The following FGFR1 variants were observed in gnomAD, a reference collection of about 807,000 sequenced individuals.
The protein encoded by FGFR1 is fibroblast growth factor receptor 1, also known as FGFR1/PLAG1 fusion.
Under a neutral mutation model 93.7 loss-of-function variants are expected in FGFR1, and 18 were observed. That is an observed-to-expected ratio of 0.19 (90% CI 0.13 to 0.28). The LOEUF is 0.28. Among genes scored for constraint, FGFR1 ranks in the 10% least tolerant of loss-of-function variants. The probability of loss-of-function intolerance (pLI) is 1.00; values close to 1 mark genes in which losing one functional copy is unlikely to be tolerated. For synonymous variants in FGFR1, 448 were observed against 429.3 expected, an observed-to-expected ratio of 1.04 and a Z score of -0.54; for missense variants, 731 against 1,080.4, an observed-to-expected ratio of 0.68 and a Z score of 4.53.
chr8:38,446,209 T>TC (rs909280558), intron 2 of FGFR1, among the ~76,000 whole-genome samples: 1 of 148,384 alleles, frequency 6.7e-6, no homozygotes, highest in African/African-American at 2.5e-5. Context: ...TCCCACCTTT[T>TC]TTTTTTTTTT....
intron 1 of FGFR1, 117 bp from the exon 2 acceptor site, chr8:38,457,651 C>T (rs1435494330): frequency 2.3e-5 from 23 of 992,438 alleles, no homozygotes; most frequent in Non-Finnish European, 2.9e-5. Context: ...CTTACTAAGG[C>T]GTCCAGAAGA....
Position 38,418,391 on chromosome 8 carries a change from G to A in FGFR1, c.1285-18C>T, listed in dbSNP as rs1243811914. On this transcript the variant is annotated intron_variant, in intron 9 of 17. Transcript: ENST00000447712. ...GCAGACACCTGCAAGGAAGAGTGGG[G>A]TCACCCTAGAGCAAGGAGGGGGGAC... is the stretch of plus-strand genomic sequence containing the variant. 4.3e-6 allele frequency: 7 copies of A among 1,611,876 alleles called. No homozygotes were observed. The highest frequency in any genetic ancestry group is 5.9e-6 in the Non-Finnish European group (7 of 1,178,962).
chr8:38,456,844 T>C (rs1411852628), intron 2 of FGFR1, among the ~76,000 whole-genome samples: 1 of 152,162 alleles, frequency 6.6e-6, no homozygotes, highest in Non-Finnish European at 1.5e-5. Flanking sequence ...GTGCTGAGGT[T>C]ACATGTGTGA....
intron 9 of FGFR1, among the ~76,000 whole-genome samples, chr8:38,418,926 A>G (rs1471525533): frequency 6.6e-6 from 1 of 152,164 alleles, no homozygotes; most frequent in Non-Finnish European, 1.5e-5. Flanking sequence ...GTAGGAGGTC[A>G]TTGACTCATG....
At chr8:38,414,118 T>TGGC in intron 16 of FGFR1, 34 bp downstream of exon 16, 1 of 1,614,172 alleles carries the variant, frequency 6.2e-7, no homozygotes, top group Non-Finnish European at 8.5e-7. Flanking sequence ...CCCCAAGGCC[T>TGGC]GGCTCAGGGC....
chr8:38,420,109 C>A (rs2150723992), intron 8 of FGFR1: 1 of 288,192 alleles, frequency 3.5e-6, no homozygotes, highest in East Asian at 7.4e-5. Context: ...CCTCAGGGAG[C>A]CATGGCCCTT....
At position 38,413,698 on chromosome 8, in the gene FGFR1, G is replaced by A. The variant is rs377620009; in HGVS notation, c.2399C>T (p.Pro800Leu). Reference sequence around the variant, plus strand: ...GGGCAGGCAGGGCTCCTCGGGCAGCGGCTCATGAGAGAAGACGGAATCCTC... The same window carrying A: ...GGGCAGGCAGGGCTCCTCGGGCAGCAGCTCATGAGAGAAGACGGAATCCTC... The part of the protein sequence containing the change: ...SGEDSVFSHE[P>L]LPEEPCLPRH... Residue 800 changes from proline (P) to leucine (L), a missense_variant, in exon 18 of 18, where the codon CCG becomes CTG. Pro to Leu is a moderately conservative substitution (Grantham distance 98). Transcript: ENST00000447712. This position sits in a 1 kb window ranked among gnomAD's most constrained non-coding sequence, Gnocchi z 4.2. The A allele has an allele frequency of 7.4e-5, 119 of 1,613,686 alleles. No individual in the cohort carries two copies. The highest frequency in any genetic ancestry group is 9.4e-5 in the Non-Finnish European group (111 of 1,179,894).
chr8:38,430,368 T>C (rs1822527846), intron 2 of FGFR1: 2 of 190,542 alleles, frequency 1.0e-5, no homozygotes, highest in Non-Finnish European at 2.2e-5. Context: ...CCATTTCCTT[T>C]GGGATAGCTC....
At chr8:38,414,456 T>C in intron 15 of FGFR1, 103 bp downstream of exon 15, 1 of 1,548,416 alleles carries the variant, frequency 6.5e-7, no homozygotes, top group Admixed American at 1.8e-5. Context: ...TTTTTCTCTC[T>C]GGGGCAGAAA....
chr8:38,423,322 T>C, intron 7 of FGFR1: 1 of 605,042 alleles, frequency 1.7e-6, no homozygotes, highest in Non-Finnish European at 2.9e-6. Flanking sequence ...GTTTTTTTTT[T>C]TTTTTTTTTT....
chr8:38,462,509 A>C (rs925625319), intron 1 of FGFR1, among the ~76,000 whole-genome samples: 6 of 151,856 alleles, frequency 4.0e-5, no homozygotes, highest in Admixed American at 3.3e-4. Context: ...TCTCAAAAAA[A>C]AAAATTTTTT....
intron 2 of FGFR1, among the ~76,000 whole-genome samples, chr8:38,444,743 G>A (rs1828770957): frequency 6.6e-6 from 1 of 152,078 alleles, no homozygotes; most frequent in Non-Finnish European, 1.5e-5. Flanking sequence ...TAGCCAGGAA[G>A]CTAAAGCCTA....
At chr8:38,461,115 G>A (rs1002635629) in intron 1 of FGFR1, 78 of 1,535,938 alleles carry the variant, frequency 5.1e-5, no homozygotes, top group Non-Finnish European at 6.1e-5. Context: ...ATCACAGGTG[G>A]TTATGAAGAC....
At chr8:38,454,272 A>T (rs1169103950) in intron 2 of FGFR1, among the ~76,000 whole-genome samples, 2 of 151,738 alleles carry the variant, frequency 1.3e-5, no homozygotes. Context: ...GCTCACAAGC[A>T]GCCAGGCCCG....
At chr8:38,421,773 G>A (rs997025589) in intron 8 of FGFR1, 24 bp downstream of exon 8, 7 of 1,613,556 alleles carry the variant, frequency 4.3e-6, no homozygotes, top group East Asian at 2.2e-5. Flanking sequence ...GCAGGACATC[G>A]AGAGGAGAAG....
chr8:38,430,223 C>A, intron 2 of FGFR1: 1 of 408,444 alleles, frequency 2.4e-6, no homozygotes, highest in Non-Finnish European at 4.1e-6. Context: ...GCAGCTGTAG[C>A]AGCATTAAGC....
intron 2 of FGFR1, among the ~76,000 whole-genome samples, chr8:38,446,562 AC>A (rs1829361012): frequency 6.6e-6 from 1 of 150,970 alleles, no homozygotes; most frequent in Non-Finnish European, 1.5e-5. Flanking sequence ...ACAGGCGCCC[AC>A]CACCACGCCC....
chr8:38,428,352 G>A lies in FGFR1; in HGVS notation c.442C>T (p.Arg148Cys), dbSNP rs780153672. 2.7e-5 allele frequency: 44 copies of A among 1,613,668 alleles called. No homozygotes were observed. In the South Asian group the frequency reaches 3.7e-4, roughly 14 times the overall value. The change falls in exon 4 of 18, where the codon CGT (arginine) becomes TGT (cysteine). Residue 148 changes from arginine to cysteine, a missense_variant. By Grantham distance (180) the Arg-to-Cys change is radical. This residue lies in a region of FGFR1 where 212 missense variants were observed against 205.8 expected (regional missense o/e 1.03). Transcript: ENST00000447712. Reference sequence around the variant, plus strand: ...ATAGGAAACAGTGTCTCACGCATACGGTTTGGTTTGGTGTTATCTGTTTCT... The same window carrying A: ...ATAGGAAACAGTGTCTCACGCATACAGTTTGGTTTGGTGTTATCTGTTTCT... ...EKETDNTKPN[R>C]MPVAPYWTSP...
At chr8:38,427,561 T>C (rs2150901274) in intron 5 of FGFR1, among the ~76,000 whole-genome samples, 1 of 152,348 alleles carries the variant, frequency 6.6e-6, no homozygotes, top group East Asian at 1.9e-4. Context: ...ATTTTAGGCG[T>C]GAGCCACCAT....
Sources: gnomAD v4.1 joint callset for allele counts (sites outside exome capture counted in the v4.1 genomes callset) on GRCh38, gnomAD v4.1.1 for gene constraint, gnomAD v4.1.1 regional missense constraint, Gnocchi (gnomAD v3.1) non-coding constraint, MANE v1.5 for transcripts, NCBI Gene and HGNC (gene_info 2026-07-23, HGNC 2026-07-21) for gene names.